CNTFR: variants seen among roughly 807,000 people sequenced by gnomAD.
CNTFR encodes ciliary neurotrophic factor receptor subunit alpha.
CNTFR carries 12 observed loss-of-function variants against 40.4 expected under a neutral mutation model. That is an observed-to-expected ratio of 0.30 (90% CI 0.19 to 0.48). CNTFR has a LOEUF of 0.48. CNTFR is among the 20% of genes least tolerant of loss of function. The probability of loss-of-function intolerance (pLI) is 0.99; values close to 1 mark genes in which losing one functional copy is unlikely to be tolerated. For missense variants in CNTFR, 414 were observed against 506.8 expected (o/e 0.82, Z 1.76); for synonymous variants, 202 against 209.6 (o/e 0.96, Z 0.31).
chr9:34,568,892 C>T lies in CNTFR; in HGVS notation c.85+5G>A. ...GGTCAGCAGGCGGCTCCCGTGAGCACTCACCCTGTGGACTGTGTCTCTGGG... is the reference window on the plus strand; with the variant it reads ...GGTCAGCAGGCGGCTCCCGTGAGCATTCACCCTGTGGACTGTGTCTCTGGG... On this transcript the variant is annotated splice_donor_5th_base_variant and intron_variant, in intron 3 of 9. Coordinates refer to ENST00000378980, the MANE Select transcript of CNTFR (RefSeq NM_147164.3). 1 of 1,584,290 alleles carries T rather than the reference C, an allele frequency of 6.3e-7. No homozygotes were observed. Among genetic ancestry groups the T allele is most frequent in the Non-Finnish European group, 8.6e-7 (1 of 1,165,560 alleles).
chr9:34,556,549 C>G, intron 6 of CNTFR, 131 bp from the exon 7 acceptor site: 1 of 847,338 alleles, frequency 1.2e-6, no homozygotes, highest in Non-Finnish European at 1.8e-6. Context: ...CGTGCCTCTT[C>G]TCTGTTGTCA....
At chr9:34,583,483 C>G (rs1295089841) in intron 1 of CNTFR, among the ~76,000 whole-genome samples, 1 of 152,178 alleles carries the variant, frequency 6.6e-6, no homozygotes, top group Non-Finnish European at 1.5e-5. Flanking sequence ...GACAGGGGTC[C>G]TCACCCCATC....
At chr9:34,567,190 T>C (rs1002593184) in intron 3 of CNTFR, among the ~76,000 whole-genome samples, 1 of 151,798 alleles carries the variant, frequency 6.6e-6, no homozygotes, top group African/African-American at 2.4e-5. Flanking sequence ...GGATTGGGGT[T>C]CTTGGCCCTG....
Position 34,552,625 on chromosome 9 carries a change from A to G in CNTFR, c.949+49T>C. ...AGAACCAGGCCACAGGTTCTACCACAGGCCTCCAGGACAGCAAAGCCAGGA... is the reference window on the plus strand; with the variant it reads ...AGAACCAGGCCACAGGTTCTACCACGGGCCTCCAGGACAGCAAAGCCAGGA... On this transcript the variant is annotated intron_variant, in intron 8 of 9. Transcript: ENST00000378980. The surrounding 1 kb of genome is among the most constrained non-coding windows in gnomAD (Gnocchi z 5.1). 1 of 1,576,184 alleles carries G rather than the reference A, an allele frequency of 6.3e-7. No individual in the cohort carries two copies. Among genetic ancestry groups the G allele is most frequent in the Non-Finnish European group, 8.6e-7 (1 of 1,160,342 alleles).
chr9:34,568,290 C>G (rs1241702603), intron 3 of CNTFR: 1 of 152,590 alleles, frequency 6.6e-6, no homozygotes, highest in Non-Finnish European at 1.5e-5. Context: ...TGTGGGCAGG[C>G]CTTGCCCCTC....
At position 34,558,716 on chromosome 9, in the gene CNTFR, A is replaced by G. The variant is rs941784431; in HGVS notation, c.320-732T>C. Among the ~76,000 whole-genome samples, 4 of 152,072 alleles carry G rather than the reference A, an allele frequency of 2.6e-5. No homozygotes were observed. In the East Asian group the frequency reaches 5.8e-4, roughly 22 times the overall value. On this transcript the variant is annotated intron_variant, in intron 4 of 9. Coordinates refer to ENST00000378980, the MANE Select transcript of CNTFR (RefSeq NM_147164.3). ...GTTCCCTTTGTGTGTACCTCACCTT[A>G]GTGCCAGCCCCCAGCATCTCCATCG...
Position 34,551,552 on chromosome 9 carries a change from T to G in CNTFR, c.*519A>C. ...CAGACTAGAAGGGACTGACAGGGCA[T>G]TAAATACTGTGGGATAGGAGCAGGG... On this transcript the variant is annotated 3_prime_UTR_variant, in exon 10 of 10. Transcript: ENST00000378980. 1 of 218,810 alleles carries G rather than the reference T, an allele frequency of 4.6e-6. No individual in the cohort carries two copies. The highest frequency in any genetic ancestry group is 9.2e-6 in the Non-Finnish European group (1 of 108,554). The allele number at this position is 218,810 out of a possible 1,614,324, so 13.6% of individuals were successfully genotyped here. A position where few individuals can be genotyped will look rare whatever the true frequency, so the allele number is the denominator to read the frequency against.
intron 4 of CNTFR, among the ~76,000 whole-genome samples, chr9:34,562,287 C>G (rs1214028150): frequency 6.6e-6 from 1 of 152,140 alleles, no homozygotes; most frequent in African/African-American, 2.4e-5. Flanking sequence ...CTGATGGACC[C>G]CATAGTGCGC....
chr9:34,552,629 C>A lies in CNTFR; in HGVS notation c.949+45G>T. 6.3e-7 allele frequency: 1 copy of A among 1,592,822 alleles called. No homozygotes were observed. On this transcript the variant is annotated intron_variant, in intron 8 of 9. Coordinates refer to ENST00000378980, the MANE Select transcript of CNTFR (RefSeq NM_147164.3). The surrounding 1 kb of genome is among the most constrained non-coding windows in gnomAD (Gnocchi z 5.1). ...CCAGGCCACAGGTTCTACCACAGGC[C>A]TCCAGGACAGCAAAGCCAGGAGGTA... is the stretch of plus-strand genomic sequence containing the variant.
At chr9:34,570,493 T>G (rs927587086) in intron 2 of CNTFR, among the ~76,000 whole-genome samples, 1 of 151,182 alleles carries the variant, frequency 6.6e-6, no homozygotes. Flanking sequence ...AGAGAAACCG[T>G]CTGACACACA....
rs369796098 is a variant in CNTFR, at chr9:34,564,795, G to C, written c.123C>G (p.Asp41Glu). 6 of 1,613,898 alleles carry C rather than the reference G, an allele frequency of 3.7e-6. No homozygotes were observed. Among genetic ancestry groups the C allele is most frequent in the Non-Finnish European group, 5.1e-6 (6 of 1,180,008 alleles). ...PHVQYERLGS[D>E]VTLPCGTANW... ...TTGCTGTCCCACATGGCAGTGTCAC[G>C]TCAGAGCCCAGGCGCTCGTACTGCA... The change falls in exon 4 of 10, where the codon GAC becomes GAG. Residue 41 changes from aspartate (D) to glutamate (E), a missense_variant. By Grantham distance (45) the Asp-to-Glu change is conservative. Coordinates refer to ENST00000378980, the MANE Select transcript of CNTFR (RefSeq NM_147164.3).
intron 2 of CNTFR, among the ~76,000 whole-genome samples, chr9:34,574,162 G>A (rs1424726726): frequency 2.0e-5 from 3 of 152,116 alleles, no homozygotes; most frequent in African/African-American, 7.2e-5. Context: ...GCCGAGGAGG[G>A]AGGCCTGGCC....
intron 2 of CNTFR, 121 bp from the exon 3 acceptor site, chr9:34,569,102 C>T (rs2132183938): frequency 2.3e-6 from 2 of 885,268 alleles, no homozygotes; most frequent in East Asian, 2.7e-5. Flanking sequence ...CTGGAGAGGC[C>T]CTCACCCGCT....
In CNTFR at chr9:34,552,384, C is replaced by A; in HGVS notation, c.950-55G>T. On this transcript the variant is annotated intron_variant, in intron 8 of 9. Transcript: ENST00000378980. The surrounding 1 kb of genome is among the most constrained non-coding windows in gnomAD (Gnocchi z 5.1). ...GGCCAGGGCTGGGTCCCATCCAGATCTGGGGGCTCATGAGACATACCATTC... is the reference window on the plus strand; with the variant it reads ...GGCCAGGGCTGGGTCCCATCCAGATATGGGGGCTCATGAGACATACCATTC... The A allele has an allele frequency of 6.7e-7, 1 of 1,488,530 alleles. No individual in the cohort carries two copies. 92.2% of individuals were successfully genotyped at this position (1,488,530 alleles called of 1,614,324 possible). A position where few individuals can be genotyped will look rare whatever the true frequency, so the allele number is the denominator to read the frequency against.
chr9:34,564,977 A>G, intron 3 of CNTFR, 145 bp from the exon 4 acceptor site: 1 of 679,424 alleles, frequency 1.5e-6, no homozygotes, highest in Admixed American at 2.3e-5. Flanking sequence ...TGGGGAGATG[A>G]AGAGTGTTCA....
chr9:34,585,163 T>C (rs1827485190), intron 1 of CNTFR, among the ~76,000 whole-genome samples: 1 of 152,208 alleles, frequency 6.6e-6, no homozygotes, highest in South Asian at 2.1e-4. Context: ...CAAGAATGCC[T>C]TCCTCTGGTG....
rs780066826 is a variant in CNTFR at position 34,551,657 on chromosome 9, C to T, written c.*414G>A. On this transcript the variant is annotated 3_prime_UTR_variant, in exon 10 of 10. Transcript: ENST00000378980. Reference sequence around the variant, plus strand: ...TGCTGGGGGGAGGGGGATGGCTGGGCCCCCCCAGCATCAGGAGCTTATAAT... The same window carrying T: ...TGCTGGGGGGAGGGGGATGGCTGGGTCCCCCCAGCATCAGGAGCTTATAAT... The T allele has an allele frequency of 6.2e-6, 2 of 322,352 alleles. No individual in the cohort carries two copies. The highest frequency in any genetic ancestry group is 5.9e-6 in the Non-Finnish European group (1 of 170,164). The allele number at this position is 322,352 out of a possible 1,614,324, so 20.0% of individuals were successfully genotyped here. A position where few individuals can be genotyped will look rare whatever the true frequency, so the allele number is the denominator to read the frequency against.
At chr9:34,564,494 C>T in intron 4 of CNTFR, 105 bp downstream of exon 4, 6 of 1,069,708 alleles carry the variant, frequency 5.6e-6, no homozygotes, top group Non-Finnish European at 7.0e-6. Context: ...GGCTGCAGCT[C>T]TCCCCTCTCC....
chr9:34,589,408 A>G lies in CNTFR; in HGVS notation c.-112+147T>C, dbSNP rs1211518096. On this transcript the variant is annotated intron_variant, in intron 1 of 9. Coordinates refer to ENST00000378980, the MANE Select transcript of CNTFR (RefSeq NM_147164.3). This position sits in a 1 kb window ranked among gnomAD's most constrained non-coding sequence, Gnocchi z 4.4. ...CGCCCCCGCCCCCGAGTTTGCAGGCAAAGTTTCTCGTGAACTTTCCTGTCG... is the reference window on the plus strand; with the variant it reads ...CGCCCCCGCCCCCGAGTTTGCAGGCGAAGTTTCTCGTGAACTTTCCTGTCG... 3.3e-5 allele frequency: 5 copies of G among 150,332 alleles called. No individual in the cohort carries two copies. In the East Asian group the frequency reaches 1.0e-3, roughly 30 times the overall value. 9.3% of individuals were successfully genotyped at this position (150,332 alleles called of 1,614,324 possible).
Sources: allele counts gnomAD v4.1 joint callset (sites outside exome capture counted in the v4.1 genomes callset), GRCh38; gene constraint gnomAD v4.1.1; non-coding constraint Gnocchi (gnomAD v3.1); transcripts MANE v1.5; gene names NCBI Gene and HGNC (gene_info 2026-07-23, HGNC 2026-07-21).